The following TENM3 variants were observed in gnomAD, a reference collection of about 807,000 sequenced individuals.
TENM3 encodes the protein teneurin transmembrane protein 3, also known as teneurin-3.
A neutral mutation model predicts 255.1 loss-of-function variants in TENM3; 63 were observed. The ratio of observed to expected loss-of-function variants is 0.25; its 90% CI spans 0.20 to 0.30. The LOEUF is 0.30. Ranked by LOEUF, TENM3 falls within the 10% of genes least tolerant of loss-of-function variation. The probability of loss-of-function intolerance (pLI) is 1.00; values close to 1 mark genes in which losing one functional copy is unlikely to be tolerated. For missense variants in TENM3, 2,929 were observed against 3,461.1 expected (o/e 0.85, Z 3.86); for synonymous variants, 1,306 against 1,322.3 (o/e 0.99, Z 0.27).
chr4:181,585,227 T>C, the TENM3 span, among the ~76,000 whole-genome samples: 1 of 152,292 alleles, frequency 6.6e-6, no homozygotes, highest in Non-Finnish European at 1.5e-5. Flanking sequence ...ACCGATTTTT[T>C]AAAAATCATT....
chr4:182,462,712 C>A (rs1732154490), intron 3 of TENM3, among the ~76,000 whole-genome samples: 1 of 151,690 alleles, frequency 6.6e-6, no homozygotes, highest in Admixed American at 6.6e-5. Flanking sequence ...CATGGTGAAA[C>A]CCTGACTCTA....
At chr4:182,256,743 T>C (rs1178717120) in intron 1 of TENM3, among the ~76,000 whole-genome samples, 2 of 152,222 alleles carry the variant, frequency 1.3e-5, no homozygotes, top group Non-Finnish European at 1.5e-5. Context: ...AATTTTGATA[T>C]TCTTGTTACT....
At chr4:181,683,349 C>T in the TENM3 span, among the ~76,000 whole-genome samples, 1 of 151,758 alleles carries the variant, frequency 6.6e-6, no homozygotes, top group South Asian at 2.1e-4. Flanking sequence ...GACCCTAAAA[C>T]TTACACTTCT....
intron 1 of TENM3, among the ~76,000 whole-genome samples, chr4:182,250,844 G>A (rs1026478837): frequency 6.6e-5 from 10 of 152,310 alleles, no homozygotes; most frequent in Non-Finnish European, 5.9e-5. Flanking sequence ...AACATGCAAT[G>A]GTGAATTGAT....
the TENM3 span, among the ~76,000 whole-genome samples, chr4:181,806,959 T>C: frequency 6.6e-6 from 1 of 152,198 alleles, no homozygotes; most frequent in African/African-American, 2.4e-5. Flanking sequence ...CCCATCACTG[T>C]CAGGCACACA....
At chr4:181,467,117 ATATATATATTTTTTTT>A in the TENM3 span, among the ~76,000 whole-genome samples, 32 of 30,552 alleles carry the variant, frequency 1.0e-3, no homozygotes, top group Middle Eastern at 0.013. Context: ...ATATATATAT[ATATATATATTTTTTTT>A]TTTTTTTTTT....
the TENM3 span, among the ~76,000 whole-genome samples, chr4:181,533,708 T>C: frequency 7.9e-3 from 1,197 of 152,172 alleles, 15 homozygotes; most frequent in African/African-American, 0.027. Context: ...AGCCATTTTA[T>C]TGCATGCCTA....
At chr4:182,437,507 T>C (rs1378550926) in intron 3 of TENM3, among the ~76,000 whole-genome samples, 1 of 151,470 alleles carries the variant, frequency 6.6e-6, no homozygotes, top group African/African-American at 2.4e-5. Context: ...AAAAAATAGC[T>C]GATGGCTGGC....
the TENM3 span, among the ~76,000 whole-genome samples, chr4:181,802,645 G>T: frequency 6.6e-6 from 1 of 152,064 alleles, no homozygotes; most frequent in African/African-American, 2.4e-5. Context: ...TCTCTGTATT[G>T]TCAGTGAGGC....
rs192829894 is a variant in TENM3, at chr4:182,283,044, A to G, written c.-76+39568A>G. ...TCTACCGACAATTTCTAACAGTGAA[A>G]ATACTGCCTGGTATTTGGAAATATT... On this transcript the variant is annotated intron_variant, in intron 1 of 27. Transcript: ENST00000511685. 1.9e-3 allele frequency among the ~76,000 whole-genome samples: 285 copies of G among 152,266 alleles called. 1 individual carries two copies. The highest frequency in any genetic ancestry group is 2.7e-3 in the Non-Finnish European group (186 of 68,034).
intron 1 of TENM3, among the ~76,000 whole-genome samples, chr4:182,147,715 A>C (rs2149565309): frequency 6.6e-6 from 1 of 152,254 alleles, no homozygotes; most frequent in African/African-American, 2.4e-5. Flanking sequence ...CAAAGAATAT[A>C]ATAGTTTGCC....
the TENM3 span, among the ~76,000 whole-genome samples, chr4:181,724,658 C>T: frequency 6.6e-6 from 1 of 152,122 alleles, no homozygotes; most frequent in African/African-American, 2.4e-5. Context: ...TGATCTCTGT[C>T]TTCTACACTA....
the TENM3 span, among the ~76,000 whole-genome samples, chr4:181,935,052 T>G: frequency 6.6e-6 from 1 of 152,238 alleles, no homozygotes; most frequent in Non-Finnish European, 1.5e-5. Context: ...GAATTACACA[T>G]GGCTCACACA....
At chr4:181,718,312 A>G in the TENM3 span, among the ~76,000 whole-genome samples, 7 of 152,284 alleles carry the variant, frequency 4.6e-5, no homozygotes, top group Admixed American at 4.6e-4. Context: ...TGGATCATAC[A>G]CCATGTGTGT....
At chr4:181,712,677 T>C in the TENM3 span, among the ~76,000 whole-genome samples, 1 of 152,226 alleles carries the variant, frequency 6.6e-6, no homozygotes, top group East Asian at 1.9e-4. Context: ...CAGATAGAAT[T>C]AATAAGTGCA....
chr4:181,463,063 A>G, the TENM3 span, among the ~76,000 whole-genome samples: 3 of 152,224 alleles, frequency 2.0e-5, no homozygotes, highest in Admixed American at 2.0e-4. Context: ...AACGTGACAT[A>G]ATTCATTATC....
the TENM3 span, among the ~76,000 whole-genome samples, chr4:181,934,799 C>T: frequency 6.6e-6 from 1 of 151,864 alleles, no homozygotes; most frequent in Non-Finnish European, 1.5e-5. Flanking sequence ...TGTTCGAGTA[C>T]TAGAAAAGAA....
chr4:181,472,825 G>A, the TENM3 span, among the ~76,000 whole-genome samples: 2 of 151,904 alleles, frequency 1.3e-5, no homozygotes, highest in Admixed American at 6.6e-5. Context: ...GTCCATCCTA[G>A]GAAGTTACCT....
the TENM3 span, among the ~76,000 whole-genome samples, chr4:181,569,839 T>C: frequency 2.0e-5 from 3 of 152,170 alleles, no homozygotes; most frequent in African/African-American, 7.2e-5. Flanking sequence ...ATTTGTGTAT[T>C]TGATAAATAC....
Sources: allele counts gnomAD v4.1 joint callset (sites outside exome capture counted in the v4.1 genomes callset), GRCh38; gene constraint gnomAD v4.1.1; transcripts MANE v1.5; gene names NCBI Gene and HGNC (gene_info 2026-07-23, HGNC 2026-07-21).